Variants in RGPD2 observed in about 807,000 individuals in gnomAD.
RGPD2 encodes RANBP2-like and GRIP domain-containing protein 2.
In RGPD2, 2 loss-of-function variants were observed where a neutral mutation model predicts 36.0. That is an observed-to-expected ratio of 0.06 (90% CI 0.02 to 0.17). RGPD2 has a LOEUF of 0.17. RGPD2 is among the 10% of genes least tolerant of loss of function. The probability of loss-of-function intolerance (pLI) is 1.00; values close to 1 mark genes in which losing one functional copy is unlikely to be tolerated. For synonymous variants in RGPD2, 19 were observed against 163.8 expected (o/e 0.12, Z 6.75); for missense variants, 40 against 464.3 (o/e 0.09, Z 8.40).
chr2:87,932,781 G>A, the RGPD2 span, among the ~76,000 whole-genome samples: 2 of 151,932 alleles, frequency 1.3e-5, no homozygotes, highest in East Asian at 1.9e-4. Context: ...TTTAGCGCCC[G>A]ATTCCTTCTG....
At chr2:87,973,544 G>A in the RGPD2 span, among the ~76,000 whole-genome samples, 39 of 139,880 alleles carry the variant, frequency 2.8e-4, no homozygotes, top group Middle Eastern at 3.6e-3. Flanking sequence ...AACTCCTTGC[G>A]TTCCTTTTGG....
the RGPD2 span, among the ~76,000 whole-genome samples, chr2:87,917,769 T>C: frequency 2.0e-5 from 2 of 102,122 alleles, no homozygotes; most frequent in Non-Finnish European, 3.8e-5. Flanking sequence ...GGAGGAATAA[T>C]TTTCTGGCAT....
At chr2:87,983,394 A>C in the RGPD2 span, among the ~76,000 whole-genome samples, 1 of 134,320 alleles carries the variant, frequency 7.4e-6, no homozygotes, top group South Asian at 2.7e-4. Context: ...TGCAGACAGC[A>C]ATTCCTTCAT....
At chr2:87,939,671 C>T in the RGPD2 span, among the ~76,000 whole-genome samples, 3 of 151,670 alleles carry the variant, frequency 2.0e-5, no homozygotes, top group East Asian at 1.9e-4. Flanking sequence ...AATATGACAG[C>T]GTATCTCCCA....
chr2:87,846,396 A>G, the RGPD2 span, among the ~76,000 whole-genome samples: 1 of 152,106 alleles, frequency 6.6e-6, no homozygotes, highest in African/African-American at 2.4e-5. Flanking sequence ...TTATTGAACA[A>G]TTAGATTATT....
At chr2:87,964,815 A>AT in the RGPD2 span, among the ~76,000 whole-genome samples, 10 of 77,952 alleles carry the variant, frequency 1.3e-4, 1 homozygote, top group East Asian at 1.4e-3. Context: ...TTATTTATTT[A>AT]TTTTTCTTTT....
the RGPD2 span, among the ~76,000 whole-genome samples, chr2:87,988,066 G>A: frequency 6.6e-6 from 1 of 152,152 alleles, no homozygotes; most frequent in Admixed American, 6.5e-5. Flanking sequence ...AAATGAAAAA[G>A]TCATTCTTGT....
At chr2:87,825,003 T>G in intron 1 of RGPD2, 1 of 381,636 alleles carries the variant, frequency 2.6e-6, no homozygotes. Flanking sequence ...CTTACACTAT[T>G]CCTCATCACT....
At chr2:87,809,533 G>A (rs1686082538) in intron 6 of RGPD2, among the ~76,000 whole-genome samples, 1 of 139,700 alleles carries the variant, frequency 7.2e-6, no homozygotes, top group Admixed American at 7.4e-5. Flanking sequence ...GCCGAGCGTG[G>A]TGGTGGGCGC....
chr2:87,969,529 G>A, the RGPD2 span, among the ~76,000 whole-genome samples: 2 of 151,612 alleles, frequency 1.3e-5, no homozygotes, highest in Non-Finnish European at 2.9e-5. Context: ...ATGGCGTTGT[G>A]GGCCTGTAGT....
At chr2:87,905,622 G>A in the RGPD2 span, among the ~76,000 whole-genome samples, 1 of 151,502 alleles carries the variant, frequency 6.6e-6, no homozygotes, top group East Asian at 1.9e-4. Flanking sequence ...AGGAGGGGTG[G>A]AATGGGGGCA....
the RGPD2 span, among the ~76,000 whole-genome samples, chr2:87,962,069 C>CTATA: frequency 3.4e-5 from 5 of 147,564 alleles, no homozygotes; most frequent in Admixed American, 1.3e-4. Context: ...CCCCCCAAAT[C>CTATA]TATATATATT....
At chr2:87,923,158 G>A in the RGPD2 span, among the ~76,000 whole-genome samples, 24 of 152,014 alleles carry the variant, frequency 1.6e-4, no homozygotes, top group African/African-American at 4.1e-4. Context: ...GAAACTTTTC[G>A]TGGACTGGAG....
At chr2:87,809,860 G>A (rs1451004764) in intron 6 of RGPD2, among the ~76,000 whole-genome samples, 18 of 133,902 alleles carry the variant, frequency 1.3e-4, no homozygotes, top group African/African-American at 4.8e-4. Context: ...GGCCCTCCTG[G>A]GGCTTCCTGG....
chr2:87,773,441 TA>T (rs1685193997), intron 21 of RGPD2, among the ~76,000 whole-genome samples: 1 of 145,386 alleles, frequency 6.9e-6, no homozygotes. Flanking sequence ...CTCATGCCTG[TA>T]ATCCCAACAC....
chr2:87,786,102 CA>C (rs1328902713), intron 18 of RGPD2, among the ~76,000 whole-genome samples: 5 of 117,780 alleles, frequency 4.2e-5, no homozygotes, highest in Non-Finnish European at 9.2e-5. Flanking sequence ...TAAAGTCTTG[CA>C]AAATGTCTGT....
chr2:87,986,754 C>T, the RGPD2 span, among the ~76,000 whole-genome samples: 1 of 151,310 alleles, frequency 6.6e-6, no homozygotes, highest in African/African-American at 2.4e-5. Flanking sequence ...GTGGCAGGCA[C>T]CTGTAATCCC....
the RGPD2 span, among the ~76,000 whole-genome samples, chr2:87,964,796 G>A: frequency 1.9e-5 from 2 of 103,524 alleles, no homozygotes; most frequent in Admixed American, 1.0e-4. Context: ...AATAATGAAG[G>A]AATTCTTTTT....
At chr2:87,772,815 A>G (rs1469278880) in intron 21 of RGPD2, among the ~76,000 whole-genome samples, 6 of 150,800 alleles carry the variant, frequency 4.0e-5, no homozygotes, top group Non-Finnish European at 5.9e-5. Flanking sequence ...TCAGTCCAGC[A>G]GCTTACCAAG....
Sources: gnomAD v4.1 joint callset for allele counts (sites outside exome capture counted in the v4.1 genomes callset) on GRCh38, gnomAD v4.1.1 for gene constraint, MANE v1.5 for transcripts, NCBI Gene and HGNC (gene_info 2026-07-23, HGNC 2026-07-21) for gene names.